The following STX3 variants were observed in gnomAD, a reference collection of about 807,000 sequenced individuals.
The protein encoded by STX3 is syntaxin 3.
STX3 carries 19 observed loss-of-function variants against 40.2 expected under a neutral mutation model. The ratio of observed to expected loss-of-function variants is 0.47; its 90% CI spans 0.33 to 0.69. The LOEUF is 0.69. Among genes scored for constraint, STX3 ranks in the 30% least tolerant of loss-of-function variants. The pLI, the probability that STX3 is intolerant of heterozygous loss-of-function variation, is 0.02. For synonymous variants in STX3, 122 were observed against 132.2 expected (o/e 0.92, Z 0.53); for missense variants, 364 against 366.7 (o/e 0.99, Z 0.06).
chr11:59,789,092 G>A lies in STX3; in HGVS notation c.289+145G>A, dbSNP rs12808724. 2,150 of 657,758 alleles carry A rather than the reference G, an allele frequency of 3.3e-3. 31 individuals carry two copies. The African/African-American group carries it at 0.034, about 10-fold the overall frequency. The allele number at this position is 657,758 out of a possible 1,614,324, so 40.7% of individuals were successfully genotyped here. On this transcript the variant is annotated intron_variant, in intron 4 of 10. Transcript: ENST00000337979. ...TGCTTGTGGTTTGGGCTCTGTCCCC[G>A]CAATGATCCATTGTAGCCCCAGAAA...
In STX3 at chr11:59,781,948, A is replaced by G. The variant is rs570649654; in HGVS notation, c.115-5089A>G. Among the ~76,000 whole-genome samples the G allele has an allele frequency of 1.2e-4, 18 of 152,370 alleles. No homozygotes were observed. In the East Asian group the frequency reaches 3.5e-3, roughly 29 times the overall value. Reference sequence around the variant, plus strand: ...CGCAATAAGTTTTCAATACGTAAATATGCAGCAATTAATGCTCAACTAGAG... The same window carrying G: ...CGCAATAAGTTTTCAATACGTAAATGTGCAGCAATTAATGCTCAACTAGAG... On this transcript the variant is annotated intron_variant, in intron 2 of 10. Transcript: ENST00000337979.
rs560436119 is a variant in STX3 at position 59,765,902 on chromosome 11, A to G, written c.31-7309A>G. ...AGATAATCTGGATTTATAAAGAAGC[A>G]TCTGTGTCTCCAGAGAAATAATTGT... On this transcript the variant is annotated intron_variant, in intron 1 of 10. Coordinates refer to ENST00000337979, the MANE Select transcript of STX3 (RefSeq NM_004177.5). Among the ~76,000 whole-genome samples, 3 of 152,354 alleles carry G rather than the reference A, an allele frequency of 2.0e-5. No individual in the cohort carries two copies. In the South Asian group the frequency reaches 6.2e-4, roughly 32 times the overall value.
At chr11:59,799,534 T>C in intron 10 of STX3, 1 of 421,654 alleles carries the variant, frequency 2.4e-6, no homozygotes, top group Non-Finnish European at 3.2e-6. Flanking sequence ...TTATTTAATA[T>C]TTTTCTCATT....
In STX3 at chr11:59,801,556, GT is replaced by G; in HGVS notation, c.*735del. On this transcript the variant is annotated 3_prime_UTR_variant, in exon 11 of 11. Transcript: ENST00000337979. Reference sequence around the variant, plus strand: ...GCAAAAGGCTGACGGTATGGAATATGTTTCCATGTCTGAGTCTTAGAAACTG... The same window carrying G: ...GCAAAAGGCTGACGGTATGGAATATGTTCCATGTCTGAGTCTTAGAAACTG... 1 of 985,448 alleles carries G rather than the reference GT, an allele frequency of 1.0e-6. No homozygotes were observed. Among genetic ancestry groups the G allele is most frequent in the Non-Finnish European group, 1.2e-6 (1 of 829,942 alleles). 61.0% of individuals were successfully genotyped at this position (985,448 alleles called of 1,614,324 possible). A position where few individuals can be genotyped will look rare whatever the true frequency, so the allele number is the denominator to read the frequency against.
In STX3 at chr11:59,788,861, T is replaced by G; in HGVS notation, c.215-12T>G. The stretch of plus-strand genomic sequence containing the variant: ...CCTTTCTAACGGATTCTGCCTGCCT[T>G]TATTTACCCAGAAACCAAGGATGAC... On this transcript the variant is annotated splice_polypyrimidine_tract_variant and intron_variant, in intron 3 of 10. Coordinates refer to ENST00000337979, the MANE Select transcript of STX3 (RefSeq NM_004177.5). 6.2e-7 allele frequency: 1 copy of G among 1,610,574 alleles called. No individual in the cohort carries two copies. The highest frequency in any genetic ancestry group is 8.5e-7 in the Non-Finnish European group (1 of 1,178,308).
rs1380427839 is a variant in STX3 at position 59,773,232 on chromosome 11, G to T, written c.52G>T (p.Asp18Tyr). 6.2e-7 allele frequency: 1 copy of T among 1,614,040 alleles called. No individual in the cohort carries two copies. Among genetic ancestry groups the T allele is most frequent in the Non-Finnish European group, 8.5e-7 (1 of 1,180,016 alleles). ...LKAKQLTQDDDTDAVEIAIDN... is the reference protein window; with the variant it reads ...LKAKQLTQDDYTDAVEIAIDN... ...GCAGAAGCAGCTGACACAGGATGAT[G>T]ATACTGATGCGGTTGAGATTGCTAT... The change falls in exon 2 of 11, where the codon GAT (aspartate) becomes TAT (tyrosine). Residue 18 changes from aspartate to tyrosine, a missense_variant. Transcript: ENST00000337979.
Position 59,762,907 on chromosome 11 carries a change from A to C in STX3, c.30+7272A>C, listed in dbSNP as rs375543163. 9.2e-5 allele frequency among the ~76,000 whole-genome samples: 14 copies of C among 152,298 alleles called. No individual in the cohort carries two copies. The East Asian group carries it at 2.5e-3, about 27-fold the overall frequency. The stretch of plus-strand genomic sequence containing the variant: ...AGGTTTCATTTGGGTAAATCCACAC[A>C]TTCCACAAAATTTCTCCAAGGAGTC... On this transcript the variant is annotated intron_variant, in intron 1 of 10. Coordinates refer to ENST00000337979, the MANE Select transcript of STX3 (RefSeq NM_004177.5).
chr11:59,774,348 G>A (rs1399630136), intron 2 of STX3, among the ~76,000 whole-genome samples: 1 of 151,704 alleles, frequency 6.6e-6, no homozygotes, highest in East Asian at 1.9e-4. Context: ...TCCCACAGGT[G>A]GGATCACCTG....
chr11:59,793,234 C>G, intron 7 of STX3, 62 bp downstream of exon 7: 1 of 1,607,956 alleles, frequency 6.2e-7, no homozygotes, highest in South Asian at 1.1e-5. Context: ...CACTGCGGAG[C>G]TCATGCAGTC....
chr11:59,778,815 GTTTTC>G (rs1383151114), intron 2 of STX3, among the ~76,000 whole-genome samples: 8 of 143,024 alleles, frequency 5.6e-5, no homozygotes, highest in Non-Finnish European at 9.2e-5. Flanking sequence ...AAGGATGAAA[GTTTTC>G]TTTTCTTTTC....
At chr11:59,754,924 C>G (rs1441022962), upstream of STX3, 1 of 151,308 alleles carries the variant, frequency 6.6e-6, no homozygotes, top group East Asian at 1.9e-4. Flanking sequence ...TCCATCCCCC[C>G]ACTTTCACTG....
At chr11:59,792,594 A>G (rs1190702536) in intron 6 of STX3, among the ~76,000 whole-genome samples, 2 of 152,126 alleles carry the variant, frequency 1.3e-5, no homozygotes, top group Admixed American at 1.3e-4. Flanking sequence ...TGCTGGGAGG[A>G]TTAGAGAAAT....
chr11:59,793,727 T>C (rs1320860801), intron 8 of STX3, among the ~76,000 whole-genome samples: 1 of 152,166 alleles, frequency 6.6e-6, no homozygotes, highest in African/African-American at 2.4e-5. Context: ...TTCTTGCCTG[T>C]CCCTTTGGCC....
rs779240958 is a variant in STX3, at chr11:59,797,295, A to G, written c.799A>G (p.Ile267Val). The change falls in exon 10 of 11, where the codon ATC becomes GTC. Residue 267 changes from isoleucine (I) to valine (V), a missense_variant. By Grantham distance (29) the Ile-to-Val change is conservative (BLOSUM62 3). Coordinates refer to ENST00000337979, the MANE Select transcript of STX3 (RefSeq NM_004177.5). ...TTCCTCTCTCCAGAAATTGATAATT[A>G]TCATTGTGCTAGTAGTTGTGTTGCT... is the stretch of plus-strand genomic sequence containing the variant. ...QSQARKKLII[I>V]IVLVVVLLGI... is the part of the protein sequence containing the mutation. 26 of 1,613,612 alleles carry G rather than the reference A, an allele frequency of 1.6e-5. No homozygotes were observed. The highest frequency in any genetic ancestry group is 2.2e-5 in the Non-Finnish European group (26 of 1,179,564).
intron 1 of STX3, among the ~76,000 whole-genome samples, chr11:59,767,304 G>A (rs1300790571): frequency 6.6e-6 from 1 of 152,200 alleles, no homozygotes; most frequent in Non-Finnish European, 1.5e-5. Flanking sequence ...AGGGGAGGAA[G>A]TTGATGGCTG....
chr11:59,764,900 A>ATTG (rs1176405798), intron 1 of STX3, among the ~76,000 whole-genome samples: 1 of 149,614 alleles, frequency 6.7e-6, no homozygotes, highest in African/African-American at 2.4e-5. Context: ...TATTATTATT[A>ATTG]TTATTATTAT....
chr11:59,791,059 A>G (rs1314591416), intron 5 of STX3, among the ~76,000 whole-genome samples: 2 of 151,368 alleles, frequency 1.3e-5, no homozygotes, highest in African/African-American at 2.5e-5. Context: ...AGACACATGC[A>G]TGGTGCTCTC....
intron 1 of STX3, among the ~76,000 whole-genome samples, chr11:59,757,553 TTAA>T (rs1862788750): frequency 6.6e-6 from 1 of 152,218 alleles, no homozygotes; most frequent in South Asian, 2.1e-4. Context: ...TACAATGGAA[TTAA>T]TGATAGGTTT....
chr11:59,791,172 A>G (rs1165679749), intron 5 of STX3, among the ~76,000 whole-genome samples: 1 of 152,206 alleles, frequency 6.6e-6, no homozygotes, highest in East Asian at 1.9e-4. Flanking sequence ...TCTGAGAGGC[A>G]CAGGGGCAGG....
Sources: allele counts gnomAD v4.1 joint callset (sites outside exome capture counted in the v4.1 genomes callset), GRCh38; gene constraint gnomAD v4.1.1; transcripts MANE v1.5; gene names NCBI Gene and HGNC (gene_info 2026-07-23, HGNC 2026-07-21).